TMEM179: variants seen among roughly 807,000 people sequenced by gnomAD.
TMEM179 encodes the protein transmembrane protein 179A.
A neutral mutation model predicts 22.2 loss-of-function variants in TMEM179; 17 were observed. That is an observed-to-expected ratio of 0.77 (90% CI 0.52 to 1.15). The LOEUF (loss-of-function observed/expected upper bound fraction) is 1.15, where lower values mean the gene tolerates loss of function less well. Ranked by LOEUF, TMEM179 falls within the 50% of genes most tolerant of loss-of-function variation. The probability of loss-of-function intolerance (pLI) is 0.00; values close to 1 mark genes in which losing one functional copy is unlikely to be tolerated. For synonymous variants in TMEM179, 127 were observed against 140.5 expected (o/e 0.90, Z 0.68); for missense variants, 265 against 313.6 (o/e 0.84, Z 1.17).
chr14:104,591,504 A>G lies in TMEM179; in HGVS notation c.*1975T>C. 1 of 430,422 alleles carries G rather than the reference A, an allele frequency of 2.3e-6. No individual in the cohort carries two copies. The highest frequency in any genetic ancestry group is 1.7e-5 in the South Asian group (1 of 60,242). 26.7% of individuals were successfully genotyped at this position (430,422 alleles called of 1,614,324 possible). A position where few individuals can be genotyped will look rare whatever the true frequency, so the allele number is the denominator to read the frequency against. ...CTTAGGGGGCCTCGGATTCTGTCCA[A>G]ACCCCTTCCCTCGAGGACCTGGCTG... On this transcript the variant is annotated 3_prime_UTR_variant, in exon 4 of 4. Coordinates refer to ENST00000556573, the MANE Select transcript of TMEM179 (RefSeq NM_001286389.2).
At chr14:104,599,019 C>T (rs939996081) in intron 1 of TMEM179, among the ~76,000 whole-genome samples, 9 of 152,216 alleles carry the variant, frequency 5.9e-5, no homozygotes, top group African/African-American at 2.2e-4. Flanking sequence ...AGCCACAACC[C>T]CCATCACAGC....
chr14:104,594,620 T>C, intron 3 of TMEM179: 1 of 1,227,206 alleles, frequency 8.1e-7, no homozygotes, highest in Non-Finnish European at 1.0e-6. Context: ...GGGGCCACCA[T>C]CGCCCTCCAC....
At chr14:104,602,401 G>GAAGTGC (rs1366914405) in intron 1 of TMEM179, among the ~76,000 whole-genome samples, 2 of 152,206 alleles carry the variant, frequency 1.3e-5, no homozygotes, top group Non-Finnish European at 2.9e-5. Flanking sequence ...AGGAGGTGAA[G>GAAGTGC]AAGTGCGTGA....
In TMEM179 at chr14:104,591,913, C is replaced by G. The variant is rs1337055634; in HGVS notation, c.*1566G>C. ...CTCCGCCCCCGCCCCAGAACGAGTCCTCTGGAGGTGGACCCTGGGCTTTCC... is the reference window on the plus strand; with the variant it reads ...CTCCGCCCCCGCCCCAGAACGAGTCGTCTGGAGGTGGACCCTGGGCTTTCC... On this transcript the variant is annotated 3_prime_UTR_variant, in exon 4 of 4. Transcript: ENST00000556573. The G allele has an allele frequency of 5.7e-6, 1 of 174,506 alleles. No homozygotes were observed. Among genetic ancestry groups the G allele is most frequent in the Non-Finnish European group, 1.2e-5 (1 of 81,256 alleles). The allele number at this position is 174,506 out of a possible 1,614,324, so 10.8% of individuals were successfully genotyped here. A position where few individuals can be genotyped will look rare whatever the true frequency, so the allele number is the denominator to read the frequency against.
At chr14:104,598,667 C>T (rs780290575) in intron 1 of TMEM179, among the ~76,000 whole-genome samples, 1 of 152,244 alleles carries the variant, frequency 6.6e-6, no homozygotes, top group Non-Finnish European at 1.5e-5. Context: ...CAGGCCACAG[C>T]GCCCAACTCA....
At position 104,604,687 on chromosome 14, in the gene TMEM179, G is replaced by A. The variant is rs146294994; in HGVS notation, c.55C>T (p.Leu19=). 3.7e-4 allele frequency: 597 copies of A among 1,598,632 alleles called. 4 individuals carry two copies. The African/African-American group carries it at 7.4e-3, about 20-fold the overall frequency. The change falls in exon 1 of 4, where the codon CTG becomes TTG. Residue 19 remains leucine (L), a synonymous_variant. Transcript: ENST00000556573. This position sits in a 1 kb window ranked among gnomAD's most constrained non-coding sequence, Gnocchi z 4.6. ...AQCACYFLAF[L]FSFVVVVPLS... is the part of the protein sequence containing the mutation. ...GGGACCACCACCACGAAGCTGAACA[G>A]GAAGGCCAAGAAGTAGCAGGCGCAC... is the stretch of plus-strand genomic sequence containing the variant.
chr14:104,593,132 G>T lies in TMEM179; in HGVS notation c.*347C>A. 2.7e-6 allele frequency: 1 copy of T among 368,966 alleles called. No homozygotes were observed. The highest frequency in any genetic ancestry group is 5.0e-6 in the Non-Finnish European group (1 of 202,010). The allele number at this position is 368,966 out of a possible 1,614,324, so 22.9% of individuals were successfully genotyped here. ...TGGCATGGAGACAGCATCCGGCCAGGGTTGGGGGAGACAAGCTGGACGCCC... is the reference window on the plus strand; with the variant it reads ...TGGCATGGAGACAGCATCCGGCCAGTGTTGGGGGAGACAAGCTGGACGCCC... On this transcript the variant is annotated 3_prime_UTR_variant, in exon 4 of 4. Transcript: ENST00000556573.
Position 104,597,722 on chromosome 14 carries a change from C to G in TMEM179, c.306-595G>C, listed in dbSNP as rs1303411020. ...CTGGATCCCAGCCTGGATCGCAGAC[C>G]TCTAGCCTCCGGAAGTGTGAGCAGT... On this transcript the variant is annotated intron_variant, in intron 1 of 3. Transcript: ENST00000556573. This position sits in a 1 kb window ranked among gnomAD's most constrained non-coding sequence, Gnocchi z 4.8. 2.6e-5 allele frequency among the ~76,000 whole-genome samples: 4 copies of G among 152,184 alleles called. No individual in the cohort carries two copies. The highest frequency in any genetic ancestry group is 9.7e-5 in the African/African-American group (4 of 41,428).
chr14:104,594,640 T>C (rs751291610), intron 3 of TMEM179: 177 of 1,222,270 alleles, frequency 1.4e-4, no homozygotes, highest in African/African-American at 5.3e-4. Flanking sequence ...CCAAGTCTCC[T>C]AGGGGGCGGG....
Position 104,604,762 on chromosome 14 carries a change from G to T in TMEM179, c.-21C>A, listed in dbSNP as rs1230719470. ...GCCATGGCCGGCCCGGGCGAGAGCG[G>T]CGGCGGGAAGGCCGCGGGAGGCTGC... is the stretch of plus-strand genomic sequence containing the variant. On this transcript the variant is annotated 5_prime_UTR_variant, in exon 1 of 4. Coordinates refer to ENST00000556573, the MANE Select transcript of TMEM179 (RefSeq NM_001286389.2). This position sits in a 1 kb window ranked among gnomAD's most constrained non-coding sequence, Gnocchi z 4.6. The T allele has an allele frequency of 2.7e-6, 4 of 1,496,286 alleles. No homozygotes were observed. The highest frequency in any genetic ancestry group is 2.7e-6 in the Non-Finnish European group (3 of 1,126,834). 92.7% of individuals were successfully genotyped at this position (1,496,286 alleles called of 1,614,324 possible). A position where few individuals can be genotyped will look rare whatever the true frequency, so the allele number is the denominator to read the frequency against.
Sources: allele counts gnomAD v4.1 joint callset (sites outside exome capture counted in the v4.1 genomes callset), GRCh38; gene constraint gnomAD v4.1.1; non-coding constraint Gnocchi (gnomAD v3.1); transcripts MANE v1.5; gene names NCBI Gene and HGNC (gene_info 2026-07-23, HGNC 2026-07-21).